ADAM19: variants seen among roughly 807,000 people sequenced by gnomAD.
The protein encoded by ADAM19 is disintegrin and metalloproteinase domain-containing protein 19.
In ADAM19, 65 loss-of-function variants were observed where a neutral mutation model predicts 114.7. The observed-to-expected ratio is 0.57, with a 90% CI of 0.46 to 0.70. The LOEUF is 0.70. ADAM19 is among the 30% of genes least tolerant of loss of function. The pLI is 0.00. For missense variants in ADAM19, 1,063 were observed against 1,204.7 expected (o/e 0.88, Z 1.74); for synonymous variants, 466 against 460.5 (o/e 1.01, Z -0.15).
intron 14 of ADAM19, among the ~76,000 whole-genome samples, chr5:157,496,464 C>T (rs1755367316): frequency 6.6e-6 from 1 of 152,158 alleles, no homozygotes; most frequent in Non-Finnish European, 1.5e-5. Flanking sequence ...TCACACCCTC[C>T]ACAACACTAT....
At position 157,496,931 on chromosome 5, in the gene ADAM19, G is replaced by A. The variant is rs2287750; in HGVS notation, c.1557C>T (p.Leu519=). The change falls in exon 14 of 23, where the codon CTC becomes CTT. Residue 519 remains leucine, a synonymous_variant. Transcript: ENST00000257527. ...GQAYCYNGMC[L]TYQEQCQQLW... ...GCTGCTGGCACTGCTCCTGGTAGGT[G>A]AGGCACATGCCGTTGTAGCAGTAGG... 221 of 1,595,588 alleles carry A rather than the reference G, an allele frequency of 1.4e-4. 1 individual carries two copies. The East Asian group carries it at 5.1e-3, about 37-fold the overall frequency.
At chr5:157,539,288 A>G (rs1277359314) in intron 3 of ADAM19, among the ~76,000 whole-genome samples, 1 of 152,180 alleles carries the variant, frequency 6.6e-6, no homozygotes, top group Non-Finnish European at 1.5e-5. Flanking sequence ...ACTGTCAGAG[A>G]GGTGTTTTGA....
chr5:157,493,513 G>T (rs1225010859), intron 15 of ADAM19, among the ~76,000 whole-genome samples: 2 of 152,020 alleles, frequency 1.3e-5, no homozygotes, highest in Non-Finnish European at 2.9e-5. Context: ...TAGAAATCTG[G>T]GGTCATCTCC....
At position 157,488,497 on chromosome 5, in the gene ADAM19, C is replaced by T. The variant is rs1336364289; in HGVS notation, c.2326-8G>A. ...TTCCGGAGTGTTGATCACCTGTACGCACAAGTCAAGGAACACCTGAGACAA... is the reference window on the plus strand; with the variant it reads ...TTCCGGAGTGTTGATCACCTGTACGTACAAGTCAAGGAACACCTGAGACAA... On this transcript the variant is annotated splice_region_variant and splice_polypyrimidine_tract_variant and intron_variant, in intron 20 of 22. Transcript: ENST00000257527. The T allele has an allele frequency of 6.3e-7, 1 of 1,576,190 alleles. No individual in the cohort carries two copies. Among genetic ancestry groups the T allele is most frequent in the Non-Finnish European group, 8.6e-7 (1 of 1,158,842 alleles).
At chr5:157,543,767 C>T (rs1756978925) in intron 3 of ADAM19, among the ~76,000 whole-genome samples, 2 of 151,928 alleles carry the variant, frequency 1.3e-5, no homozygotes, top group Non-Finnish European at 1.5e-5. Context: ...ACTACTCAGC[C>T]TCAGTTTCCC....
At chr5:157,532,875 A>T (rs1460077406) in intron 4 of ADAM19, among the ~76,000 whole-genome samples, 1 of 152,206 alleles carries the variant, frequency 6.6e-6, no homozygotes, top group Non-Finnish European at 1.5e-5. Context: ...GCAGTTCCAC[A>T]ACTCTCTCTG....
chr5:157,562,800 G>A (rs1402394784), intron 3 of ADAM19, among the ~76,000 whole-genome samples: 1 of 152,162 alleles, frequency 6.6e-6, no homozygotes, highest in Non-Finnish European at 1.5e-5. Context: ...ATGGTCTGTA[G>A]CAAATGTTTC....
At chr5:157,496,147 T>C (rs1055863186) in intron 14 of ADAM19, among the ~76,000 whole-genome samples, 1 of 152,106 alleles carries the variant, frequency 6.6e-6, no homozygotes, top group Non-Finnish European at 1.5e-5. Flanking sequence ...CAAATCTGGC[T>C]TGAAAGCATA....
At chr5:157,491,276 G>A (rs968428225) in intron 18 of ADAM19, among the ~76,000 whole-genome samples, 4 of 152,090 alleles carry the variant, frequency 2.6e-5, no homozygotes, top group Non-Finnish European at 5.9e-5. Flanking sequence ...ATGTGTCCCA[G>A]GTTCATGATT....
At chr5:157,501,431 T>C (rs1755559224) in intron 12 of ADAM19, among the ~76,000 whole-genome samples, 1 of 152,226 alleles carries the variant, frequency 6.6e-6, no homozygotes, top group Admixed American at 6.5e-5. Context: ...TTTCAATATG[T>C]GTTTCTCCCA....
intron 3 of ADAM19, among the ~76,000 whole-genome samples, chr5:157,548,840 A>C (rs1206091736): frequency 6.6e-6 from 1 of 152,142 alleles, no homozygotes; most frequent in Non-Finnish European, 1.5e-5. Flanking sequence ...ACACCCTCCA[A>C]TTTCCAGAGA....
intron 5 of ADAM19, among the ~76,000 whole-genome samples, chr5:157,523,385 G>C (rs1022426858): frequency 8.5e-5 from 13 of 152,194 alleles, no homozygotes; most frequent in South Asian, 2.1e-4. Context: ...CCCATTGTTG[G>C]AGGTGGGCCT....
intron 7 of ADAM19, among the ~76,000 whole-genome samples, chr5:157,518,102 A>T (rs1271044527): frequency 1.3e-5 from 2 of 152,166 alleles, no homozygotes; most frequent in African/African-American, 2.4e-5. Flanking sequence ...GCAAGAATAC[A>T]GTTTTCAGTC....
At position 157,491,658 on chromosome 5, in the gene ADAM19, C is replaced by A; in HGVS notation, c.2052G>T (p.Pro684=). 1.3e-6 allele frequency: 2 copies of A among 1,566,052 alleles called. No homozygotes were observed. Among genetic ancestry groups the A allele is most frequent in the Admixed American group, 1.8e-5 (1 of 55,142 alleles). ...PGWAPPFCNT[P]GHGGSIDSGP... is the part of the protein sequence containing the mutation. ...CACTGTCGATACTGCCCCCGTGGCCCGGTGTGTTGCAGAAGGGCGGGGCCC... is the reference window on the plus strand; with the variant it reads ...CACTGTCGATACTGCCCCCGTGGCCAGGTGTGTTGCAGAAGGGCGGGGCCC... The change falls in exon 18 of 23, where the codon CCG becomes CCT. Residue 684 remains proline, a synonymous_variant. Transcript: ENST00000257527.
At chr5:157,481,334 G>T (rs1754738778) in intron 22 of ADAM19, 2 of 572,194 alleles carry the variant, frequency 3.5e-6, no homozygotes, top group Non-Finnish European at 6.2e-6. Flanking sequence ...TGACCTGACT[G>T]CCAAGACTGG....
rs1581298677 is a variant in ADAM19, at chr5:157,495,896, AG to A, written c.1594+997del. 7.4e-5 allele frequency among the ~76,000 whole-genome samples: 11 copies of A among 148,816 alleles called. 1 individual carries two copies. The highest frequency in any genetic ancestry group is 6.7e-4 in the Admixed American group (10 of 14,970). ...TGATCCACCTGCCTTGGCCTCCCAAAGTACTGGGATTACAGGCGTGAGCCAC... is the reference window on the plus strand; with the variant it reads ...TGATCCACCTGCCTTGGCCTCCCAAATACTGGGATTACAGGCGTGAGCCAC... On this transcript the variant is annotated intron_variant, in intron 14 of 22. Coordinates refer to ENST00000257527, the MANE Select transcript of ADAM19 (RefSeq NM_033274.5).
chr5:157,494,844 C>T (rs1385066169), intron 14 of ADAM19, 49 bp from the exon 15 acceptor site: 11 of 1,486,696 alleles, frequency 7.4e-6, no homozygotes, highest in Non-Finnish European at 9.4e-6. Flanking sequence ...TCAGAAGCCC[C>T]CAAGGGCAAA....
At chr5:157,502,722 T>A (rs1047222449) in intron 12 of ADAM19, 81 bp downstream of exon 12, 1 of 1,499,236 alleles carries the variant, frequency 6.7e-7, no homozygotes, top group African/African-American at 1.4e-5. Flanking sequence ...TAAGAAATTT[T>A]CAATTGTGTT....
At chr5:157,486,185 T>C (rs1343757657) in intron 21 of ADAM19, among the ~76,000 whole-genome samples, 1 of 152,042 alleles carries the variant, frequency 6.6e-6, no homozygotes, top group Non-Finnish European at 1.5e-5. Flanking sequence ...AAGTCCTAGC[T>C]CCTCCACTCA....
Sources: gnomAD v4.1 joint callset for allele counts (sites outside exome capture counted in the v4.1 genomes callset) on GRCh38, gnomAD v4.1.1 for gene constraint, MANE v1.5 for transcripts, NCBI Gene and HGNC (gene_info 2026-07-23, HGNC 2026-07-21) for gene names.